The following NLGN1 variants were observed in gnomAD, a reference collection of about 807,000 sequenced individuals.
The protein encoded by NLGN1 is neuroligin-1.
Under a neutral mutation model 65.5 loss-of-function variants are expected in NLGN1, and 12 were observed. The ratio of observed to expected loss-of-function variants is 0.18; its 90% CI spans 0.12 to 0.30. NLGN1 has a LOEUF of 0.30. Ranked by LOEUF, NLGN1 falls within the 10% of genes least tolerant of loss-of-function variation. The probability of loss-of-function intolerance (pLI) is 1.00; values close to 1 mark genes in which losing one functional copy is unlikely to be tolerated. For missense variants in NLGN1, 750 were observed against 1,007.1 expected, an observed-to-expected ratio of 0.74 and a Z score of 3.46; for synonymous variants, 350 against 359.5, an observed-to-expected ratio of 0.97 and a Z score of 0.30.
At chr3:174,192,522 T>G (rs1461007484) in intron 4 of NLGN1, among the ~76,000 whole-genome samples, 8 of 152,198 alleles carry the variant, frequency 5.3e-5, no homozygotes, top group Admixed American at 4.6e-4. Flanking sequence ...TATCTATGCA[T>G]TCAATATTCA....
rs142122935 is a variant in NLGN1 at position 173,433,571 on chromosome 3, C to T, written c.-389-1439C>T. Reference sequence around the variant, plus strand: ...ACTTTATAATTTCATTGTTAACTTTCTTAGATTTCTAGCTATTTTATATTT... The same window carrying T: ...ACTTTATAATTTCATTGTTAACTTTTTTAGATTTCTAGCTATTTTATATTT... On this transcript the variant is annotated intron_variant, in intron 1 of 6. Coordinates refer to ENST00000457714, the Ensembl canonical transcript of NLGN1. 8.1e-4 allele frequency among the ~76,000 whole-genome samples: 124 copies of T among 152,250 alleles called. 1 individual carries two copies. The highest frequency in any genetic ancestry group is 2.9e-3 in the African/African-American group (120 of 41,538).
chr3:173,645,222 G>A (rs952547918), intron 3 of NLGN1, among the ~76,000 whole-genome samples: 1 of 152,240 alleles, frequency 6.6e-6, no homozygotes, highest in African/African-American at 2.4e-5. Context: ...TGGGCAGCCA[G>A]GAGGCTTCTT....
intron 3 of NLGN1, among the ~76,000 whole-genome samples, chr3:173,671,952 A>G (rs572073810): frequency 6.6e-6 from 1 of 152,124 alleles, no homozygotes; most frequent in Non-Finnish European, 1.5e-5. Flanking sequence ...AGGTGGGTGG[A>G]TCACGAGGTC....
chr3:173,632,212 C>T lies in NLGN1; in HGVS notation c.493+27121C>T, dbSNP rs539541947. On this transcript the variant is annotated intron_variant, in intron 3 of 6. Transcript: ENST00000457714. ...ATATTCATTTTGCTGAGGGCAGCAT[C>T]GTTGGAAATGGGTTTAGTATGCTGT... Among the ~76,000 whole-genome samples, 6 of 152,208 alleles carry T rather than the reference C, an allele frequency of 3.9e-5. No homozygotes were observed. The East Asian group carries it at 7.7e-4, about 20-fold the overall frequency.
At chr3:173,893,446 A>T (rs1408846810) in intron 4 of NLGN1, among the ~76,000 whole-genome samples, 2 of 152,216 alleles carry the variant, frequency 1.3e-5, no homozygotes, top group East Asian at 3.8e-4. Context: ...GCACTATTGT[A>T]CGGGCCATAT....
chr3:173,446,333 G>T (rs1286169372), intron 2 of NLGN1, among the ~76,000 whole-genome samples: 1 of 149,672 alleles, frequency 6.7e-6, no homozygotes, highest in Admixed American at 6.7e-5. Flanking sequence ...TTTTGTCCTT[G>T]CAATAGTTTG....
At position 173,453,591 on chromosome 3, in the gene NLGN1, C is replaced by T. The variant is rs138855249; in HGVS notation, c.-321+18513C>T. On this transcript the variant is annotated intron_variant, in intron 2 of 6. Transcript: ENST00000457714. Reference sequence around the variant, plus strand: ...TTTGTTGTCATTTGAACAATGTTCACAGCATCTTCTCTGGAAGATTCTGTC... The same window carrying T: ...TTTGTTGTCATTTGAACAATGTTCATAGCATCTTCTCTGGAAGATTCTGTC... Among the ~76,000 whole-genome samples, 549 of 152,272 alleles carry T rather than the reference C, an allele frequency of 3.6e-3. 2 individuals carry two copies. Among genetic ancestry groups the T allele is most frequent in the African/African-American group, 0.013 (524 of 41,564 alleles).
intron 4 of NLGN1, among the ~76,000 whole-genome samples, chr3:174,209,170 C>T (rs1173666256): frequency 2.0e-5 from 3 of 152,106 alleles, no homozygotes; most frequent in Non-Finnish European, 4.4e-5. Flanking sequence ...ACAATTCACC[C>T]GCTTCAGTCT....
intron 3 of NLGN1, among the ~76,000 whole-genome samples, chr3:173,692,986 AG>A (rs1468992080): frequency 6.6e-6 from 1 of 152,130 alleles, no homozygotes; most frequent in African/African-American, 2.4e-5. Flanking sequence ...AATCATACCA[AG>A]TATCCTTGCT....
In NLGN1 at chr3:174,257,736, T is replaced by C. The variant is rs529068521; in HGVS notation, c.647-17579T>C. On this transcript the variant is annotated intron_variant, in intron 4 of 6. Coordinates refer to ENST00000457714, the Ensembl canonical transcript of NLGN1. ...AACTAGTGGAATATATATATATATA[T>C]ATTTATTCAGCTTCTGTTTCCTGTA... Among the ~76,000 whole-genome samples, 97 of 151,440 alleles carry C rather than the reference T, an allele frequency of 6.4e-4. 2 individuals are homozygous for C. Among genetic ancestry groups the C allele is most frequent in the Non-Finnish European group, 3.4e-4 (23 of 67,904 alleles).
chr3:174,279,327 C>T lies in NLGN1; in HGVS notation c.1326C>T (p.Asp442=), dbSNP rs1478097953. The T allele has an allele frequency of 1.2e-6, 2 of 1,613,258 alleles. No homozygotes were observed. Among genetic ancestry groups the T allele is most frequent in the Admixed American group, 1.7e-5 (1 of 59,906 alleles). The change falls in exon 6 of 7, where the codon GAC becomes GAT. Residue 442 remains aspartate, a synonymous_variant. Coordinates refer to ENST00000457714, the Ensembl canonical transcript of NLGN1. The surrounding 1 kb of genome is among the most constrained non-coding windows in gnomAD (Gnocchi z 4.7). The stretch of plus-strand genomic sequence containing the variant: ...AAACCATTAAGTTCATGTATACTGA[C>T]TGGGCTGACCGTCATAACCCTGAAA...
intron 4 of NLGN1, among the ~76,000 whole-genome samples, chr3:173,988,010 G>A (rs114086927): frequency 1.3e-5 from 2 of 152,100 alleles, no homozygotes. Flanking sequence ...ATATAAAGAT[G>A]CATAGCTACA....
intron 4 of NLGN1, among the ~76,000 whole-genome samples, chr3:173,884,706 C>T (rs567206314): frequency 1.1e-4 from 17 of 152,180 alleles, no homozygotes; most frequent in African/African-American, 3.4e-4. Context: ...CAGATGAACA[C>T]ATCTGTAATC....
chr3:173,701,930 A>T (rs1277034863), intron 3 of NLGN1, among the ~76,000 whole-genome samples: 3 of 152,176 alleles, frequency 2.0e-5, no homozygotes, highest in Admixed American at 1.3e-4. Flanking sequence ...ACATTTGCAT[A>T]CAAAAGTCAT....
At chr3:173,431,717 AC>A (rs1717199667) in intron 1 of NLGN1, among the ~76,000 whole-genome samples, 1 of 152,172 alleles carries the variant, frequency 6.6e-6, no homozygotes, top group Non-Finnish European at 1.5e-5. Context: ...ATCCACATTG[AC>A]ACATCATTAT....
chr3:174,134,711 C>A (rs1720887959), intron 4 of NLGN1, among the ~76,000 whole-genome samples: 1 of 152,066 alleles, frequency 6.6e-6, no homozygotes, highest in Non-Finnish European at 1.5e-5. Context: ...ATAGTGTGGA[C>A]CCTGGCAATT....
chr3:173,747,235 A>G (rs1322029728), intron 3 of NLGN1, among the ~76,000 whole-genome samples: 1 of 146,340 alleles, frequency 6.8e-6, no homozygotes, highest in African/African-American at 2.5e-5. Flanking sequence ...TTAAATATAT[A>G]TATCTTTAAG....
At chr3:173,748,611 A>G (rs1309507730) in intron 3 of NLGN1, among the ~76,000 whole-genome samples, 1 of 152,176 alleles carries the variant, frequency 6.6e-6, no homozygotes. Flanking sequence ...TGTTATCACA[A>G]CATCCAGATG....
chr3:173,948,543 G>A (rs763495792), intron 4 of NLGN1, among the ~76,000 whole-genome samples: 22 of 152,140 alleles, frequency 1.4e-4, no homozygotes, highest in Non-Finnish European at 4.4e-5. Context: ...AAATGGACAG[G>A]GATAGAAGTT....
Sources: gnomAD v4.1 joint callset for allele counts (sites outside exome capture counted in the v4.1 genomes callset) on GRCh38, gnomAD v4.1.1 for gene constraint, Gnocchi (gnomAD v3.1) non-coding constraint, MANE v1.5 for transcripts, NCBI Gene and HGNC (gene_info 2026-07-23, HGNC 2026-07-21) for gene names.